FER1L6: variants seen among roughly 807,000 people sequenced by gnomAD.
FER1L6 encodes the protein fer-1-like protein 6.
In FER1L6, 177 loss-of-function variants were observed where a neutral mutation model predicts 219.2. That is an observed-to-expected ratio of 0.81 (90% CI 0.71 to 0.91). The LOEUF is 0.91. Among genes scored for constraint, FER1L6 ranks in the 40% least tolerant of loss-of-function variants. The pLI is 0.00. For synonymous variants in FER1L6, 768 were observed against 824.3 expected (o/e 0.93, Z 1.17); for missense variants, 2,153 against 2,259.9 (o/e 0.95, Z 0.96).
At chr8:124,108,168 T>C (rs1431755598) in intron 39 of FER1L6, among the ~76,000 whole-genome samples, 1 of 152,182 alleles carries the variant, frequency 6.6e-6, no homozygotes, top group Non-Finnish European at 1.5e-5. Flanking sequence ...AAGTCTACCC[T>C]GGGCAACACA....
chr8:123,936,861 T>G (rs2129963880), intron 1 of FER1L6, among the ~76,000 whole-genome samples: 1 of 152,332 alleles, frequency 6.6e-6, no homozygotes, highest in Non-Finnish European at 1.5e-5. Flanking sequence ...ACCTGACCAT[T>G]GTTGGTTAAA....
intron 39 of FER1L6, among the ~76,000 whole-genome samples, chr8:124,108,511 C>T (rs914707631): frequency 2.6e-5 from 4 of 152,224 alleles, no homozygotes; most frequent in Middle Eastern, 6.8e-3. Context: ...ATGAGGGAAA[C>T]GCCTCAAACT....
At chr8:123,986,884 T>A (rs1473744486) in intron 12 of FER1L6, among the ~76,000 whole-genome samples, 3 of 152,226 alleles carry the variant, frequency 2.0e-5, no homozygotes, top group Non-Finnish European at 4.4e-5. Context: ...CTCCATTGTG[T>A]ATCTGTATCA....
chr8:124,052,656 A>G (rs540622116), intron 22 of FER1L6, among the ~76,000 whole-genome samples: 1 of 152,200 alleles, frequency 6.6e-6, no homozygotes, highest in South Asian at 2.1e-4. Flanking sequence ...GTGGTGGCGC[A>G]CATCTGTAAT....
At chr8:124,077,820 T>C (rs1335580362) in intron 32 of FER1L6, among the ~76,000 whole-genome samples, 2 of 152,220 alleles carry the variant, frequency 1.3e-5, no homozygotes, top group Non-Finnish European at 2.9e-5. Flanking sequence ...GTTTAATTTT[T>C]ACTTAGGAAC....
At chr8:124,092,852 CTTTTTTTT>C (rs56104148) in intron 34 of FER1L6, among the ~76,000 whole-genome samples, 1,717 of 140,104 alleles carry the variant, frequency 0.012, 15 homozygotes, top group South Asian at 0.028. Flanking sequence ...AAGTGCTACC[CTTTTTTTT>C]TTTTTTTTTT....
At chr8:124,034,149 TAA>T (rs34981228) in intron 18 of FER1L6, among the ~76,000 whole-genome samples, 2 of 139,962 alleles carry the variant, frequency 1.4e-5, no homozygotes, top group African/African-American at 5.7e-5. Flanking sequence ...GAAGTGATGT[TAA>T]AAAAAAAAAA....
At chr8:124,076,647 G>A (rs1157084271) in intron 32 of FER1L6, among the ~76,000 whole-genome samples, 5 of 152,062 alleles carry the variant, frequency 3.3e-5, no homozygotes, top group Non-Finnish European at 5.9e-5. Flanking sequence ...ACAATTTTCT[G>A]GATTTTAGAT....
intron 1 of FER1L6, among the ~76,000 whole-genome samples, chr8:123,881,176 G>GT (rs932268543): frequency 6.6e-6 from 1 of 152,054 alleles, no homozygotes; most frequent in South Asian, 2.1e-4. Context: ...TGGGAATATT[G>GT]TTTTTTCATA....
chr8:123,942,029 C>T (rs549326377), intron 1 of FER1L6, among the ~76,000 whole-genome samples: 3 of 152,218 alleles, frequency 2.0e-5, no homozygotes, highest in South Asian at 4.2e-4. Flanking sequence ...GGGAGGGATG[C>T]GCTAGGGAAC....
At chr8:123,945,630 C>A (rs1404763890) in intron 1 of FER1L6, among the ~76,000 whole-genome samples, 2 of 152,196 alleles carry the variant, frequency 1.3e-5, no homozygotes, top group Admixed American at 6.5e-5. Flanking sequence ...TCTTTGTGAG[C>A]AATTGCACTG....
intron 32 of FER1L6, among the ~76,000 whole-genome samples, chr8:124,076,768 T>C (rs1434231910): frequency 6.6e-6 from 1 of 152,198 alleles, no homozygotes; most frequent in Non-Finnish European, 1.5e-5. Flanking sequence ...AAGAAACATA[T>C]TCAAGTTCAG....
At chr8:124,116,191 C>G (rs969465354) in intron 39 of FER1L6, among the ~76,000 whole-genome samples, 1 of 152,204 alleles carries the variant, frequency 6.6e-6, no homozygotes, top group African/African-American at 2.4e-5. Context: ...TATCACCAAG[C>G]CTTGGTTTCC....
intron 39 of FER1L6, among the ~76,000 whole-genome samples, chr8:124,114,226 AC>A (rs1322066419): frequency 1.3e-5 from 2 of 149,112 alleles, no homozygotes; most frequent in Admixed American, 6.8e-5. Flanking sequence ...CTCCTCCCCC[AC>A]CCCCCAAAAA....
chr8:124,082,115 T>A (rs1053409588), intron 32 of FER1L6, among the ~76,000 whole-genome samples, 173 bp from the exon 33 acceptor site: 1 of 152,108 alleles, frequency 6.6e-6, no homozygotes, highest in African/African-American at 2.4e-5. Flanking sequence ...AGTTGAAAAT[T>A]GTTTGTACTG....
rs1815730963 is a variant in FER1L6, at chr8:123,970,078, A to C, written c.428A>C (p.Asp143Ala). 1 of 1,613,846 alleles carries C rather than the reference A, an allele frequency of 6.2e-7. No homozygotes were observed. The highest frequency in any genetic ancestry group is 1.1e-5 in the South Asian group (1 of 91,070). ...DFIGPQVHLF[D>A]KIIKISVFHH... ...ATTGGGCCCCAAGTGCATCTTTTTG[A>C]CAAGATCATCAAAATCTCCGTAAGT... Residue 143 changes from aspartate (D) to alanine (A), a missense_variant, in exon 6 of 41, where the codon GAC becomes GCC. Asp to Ala is a moderately radical substitution (Grantham distance 126, BLOSUM62 -2). Coordinates refer to ENST00000522917, the MANE Select transcript of FER1L6 (RefSeq NM_001039112.2).
rs186340913 is a variant in FER1L6, at chr8:124,076,636, T to C, written c.4220+311T>C. On this transcript the variant is annotated intron_variant, in intron 32 of 40. Transcript: ENST00000522917. ...AAATATATACTCACAGCTTTCTAAT[T>C]ACAATTTTCTGGATTTTAGATTTAA... is the stretch of plus-strand genomic sequence containing the variant. Among the ~76,000 whole-genome samples the C allele has an allele frequency of 5.6e-3, 859 of 152,310 alleles. 7 individuals carry two copies. The highest frequency in any genetic ancestry group is 0.01 in the Middle Eastern group (3 of 294).
At chr8:123,883,966 G>C (rs1402731361) in intron 1 of FER1L6, among the ~76,000 whole-genome samples, 2 of 152,188 alleles carry the variant, frequency 1.3e-5, no homozygotes, top group African/African-American at 2.4e-5. Flanking sequence ...ATTTTGGGGG[G>C]ACACATTCAG....
intron 12 of FER1L6, among the ~76,000 whole-genome samples, chr8:123,989,108 G>C (rs1014370294): frequency 1.3e-5 from 2 of 152,044 alleles, no homozygotes; most frequent in African/African-American, 2.4e-5. Flanking sequence ...TGTCCATTCT[G>C]TTGACGTGAT....
Sources: gnomAD v4.1 joint callset for allele counts (sites outside exome capture counted in the v4.1 genomes callset) on GRCh38, gnomAD v4.1.1 for gene constraint, MANE v1.5 for transcripts, NCBI Gene and HGNC (gene_info 2026-07-23, HGNC 2026-07-21) for gene names.